The following MALRD1 variants were observed in gnomAD, a reference collection of about 807,000 sequenced individuals.
The protein encoded by MALRD1 is MAM and LDL receptor class A domain containing 1.
MALRD1 carries 247 observed loss-of-function variants against 242.1 expected under a neutral mutation model. The ratio of observed to expected loss-of-function variants is 1.02; its 90% confidence interval spans 0.92 to 1.13. MALRD1 has a LOEUF of 1.13. Among genes scored for constraint, MALRD1 ranks in the 50% most tolerant of loss-of-function variants. The pLI, the probability that MALRD1 is intolerant of heterozygous loss-of-function variation, is 0.00. For synonymous variants in MALRD1, 995 were observed against 866.6 expected (o/e 1.15, Z -2.60); for missense variants, 2,989 against 2,533.1 (o/e 1.18, Z -3.86).
intron 36 of MALRD1, among the ~76,000 whole-genome samples, chr10:19,682,075 C>A (rs954238980): frequency 2.6e-5 from 4 of 152,040 alleles, no homozygotes; most frequent in African/African-American, 9.7e-5. Context: ...CTTATTAGAA[C>A]AATTATAAAT....
At position 19,352,209 on chromosome 10, in the gene MALRD1, C is replaced by T. The variant is rs1164037263; in HGVS notation, c.4353C>T (p.Asp1451=). The T allele has an allele frequency of 6.4e-7, 1 of 1,550,406 alleles. No individual in the cohort carries two copies. ...EGRVGKGQRG[D]IALDDIVLTE... ...GAGTTGGGAAAGGTCAGCGTGGAGA[C>T]ATTGCACTTGATGACATTGTGCTTA... Residue 1451 remains aspartate, a synonymous_variant, in exon 26 of 40, where the codon GAC becomes GAT. Transcript: ENST00000454679.
chr10:19,708,336 TTTTC>T lies in MALRD1; in HGVS notation c.6314+15786_6314+15789del, dbSNP rs1285547481. ...TTTTTAACCTTCTTTTTCTTTTTCT[TTTTC>T]TTTTTTTTTTTTTTTGAGACAGGGT... On this transcript the variant is annotated intron_variant, in intron 38 of 39. Coordinates refer to ENST00000454679, the MANE Select transcript of MALRD1 (RefSeq NM_001142308.3). Among the ~76,000 whole-genome samples, 25 of 93,244 alleles carry T rather than the reference TTTTC, an allele frequency of 2.7e-4. 4 individuals carry two copies. Among genetic ancestry groups the T allele is most frequent in the Non-Finnish European group, 4.8e-4 (21 of 43,358 alleles). 61.2% of individuals were successfully genotyped at this position (93,244 alleles called of 152,430 possible). A position where few individuals can be genotyped will look rare whatever the true frequency, so the allele number is the denominator to read the frequency against.
At position 19,665,884 on chromosome 10, in the gene MALRD1, ATT is replaced by A. The variant is rs35301063; in HGVS notation, c.6138-26384_6138-26383del. On this transcript the variant is annotated intron_variant, in intron 36 of 39. Coordinates refer to ENST00000454679, the MANE Select transcript of MALRD1 (RefSeq NM_001142308.3). ...TGTAGCCTTGAGATCTTTTCTAATG[ATT>A]TTTTTTTTTTTTTAATTCCTTGCCG... Among the ~76,000 whole-genome samples, 1,098 of 146,060 alleles carry A rather than the reference ATT, an allele frequency of 7.5e-3. 5 individuals carry two copies. Among genetic ancestry groups the A allele is most frequent in the Non-Finnish European group, 7.8e-3 (520 of 66,536 alleles).
intron 28 of MALRD1, among the ~76,000 whole-genome samples, chr10:19,405,946 G>A (rs1383747003): frequency 6.6e-6 from 1 of 151,944 alleles, no homozygotes; most frequent in African/African-American, 2.4e-5. Context: ...GCCACAGAAT[G>A]TCACAGTGGG....
At chr10:19,312,058 G>T (rs985688179) in intron 21 of MALRD1, among the ~76,000 whole-genome samples, 1 of 151,318 alleles carries the variant, frequency 6.6e-6, no homozygotes, top group African/African-American at 2.4e-5. Context: ...GATGAGCAAA[G>T]CTGTAGGGCA....
chr10:19,209,635 A>G lies in MALRD1; in HGVS notation c.2946A>G (p.Arg982=). The change falls in exon 18 of 40, where the codon AGA becomes AGG. Residue 982 remains arginine, a synonymous_variant. Coordinates refer to ENST00000454679, the MANE Select transcript of MALRD1 (RefSeq NM_001142308.3). Reference sequence around the variant, plus strand: ...AGATATTTGGGAATCAAGGCAACAGATGGATTAGGAAACACCTCAACATTT... The same window carrying G: ...AGATATTTGGGAATCAAGGCAACAGGTGGATTAGGAAACACCTCAACATTT... ...LWQIFGNQGN[R]WIRKHLNISS... is the part of the protein sequence containing the mutation. 1 of 1,551,044 alleles carries G rather than the reference A, an allele frequency of 6.4e-7. No homozygotes were observed. Among genetic ancestry groups the G allele is most frequent in the Non-Finnish European group, 8.7e-7 (1 of 1,147,080 alleles).
intron 5 of MALRD1, among the ~76,000 whole-genome samples, chr10:19,117,270 A>T (rs1202202183): frequency 6.6e-6 from 1 of 152,166 alleles, no homozygotes; most frequent in Non-Finnish European, 1.5e-5. Flanking sequence ...ACCAGGCCAA[A>T]ATACTTACTC....
At chr10:19,694,236 T>G (rs1018146793) in intron 38 of MALRD1, among the ~76,000 whole-genome samples, 1 of 152,200 alleles carries the variant, frequency 6.6e-6, no homozygotes, top group African/African-American at 2.4e-5. Context: ...GGGATCTAAT[T>G]AAACTAAAGA....
At chr10:19,170,853 A>G (rs975901891) in intron 13 of MALRD1, among the ~76,000 whole-genome samples, 4 of 152,172 alleles carry the variant, frequency 2.6e-5, no homozygotes, top group African/African-American at 9.7e-5. Context: ...TCACAGGATT[A>G]AAACAAGTGA....
At chr10:19,168,917 T>A (rs995849457) in intron 13 of MALRD1, among the ~76,000 whole-genome samples, 3 of 152,032 alleles carry the variant, frequency 2.0e-5, no homozygotes, top group African/African-American at 7.3e-5. Flanking sequence ...TGCCTATGAG[T>A]TGGCTACAGC....
chr10:19,597,687 A>G (rs1285398930), intron 34 of MALRD1, among the ~76,000 whole-genome samples: 2 of 152,170 alleles, frequency 1.3e-5, no homozygotes, highest in African/African-American at 2.4e-5. Context: ...CAGGCTGAAG[A>G]TGTGCTATAC....
intron 36 of MALRD1, among the ~76,000 whole-genome samples, chr10:19,669,757 T>C (rs1336576195): frequency 6.6e-6 from 1 of 152,196 alleles, no homozygotes; most frequent in Non-Finnish European, 1.5e-5. Flanking sequence ...ATACTATTTA[T>C]GTAGTAATAA....
chr10:19,662,199 T>C (rs751895051), intron 36 of MALRD1, among the ~76,000 whole-genome samples: 2 of 152,150 alleles, frequency 1.3e-5, no homozygotes, highest in Non-Finnish European at 2.9e-5. Context: ...TACTGTTCAA[T>C]ACTAACACTA....
intron 13 of MALRD1, 37 bp from the exon 14 acceptor site, chr10:19,175,171 A>G: frequency 8.3e-7 from 1 of 1,210,596 alleles, no homozygotes. Flanking sequence ...TACTTTTGTG[A>G]TGTGTTTTTA....
rs185594421 is a variant in MALRD1, at chr10:19,620,803, T to C, written c.6137+4880T>C. On this transcript the variant is annotated intron_variant, in intron 36 of 39. Transcript: ENST00000454679. ...AGTCCTGAAATTTCAAAGAAAAGCA[T>C]CAATACATTGAAATATATTCTTGAA... 2.1e-3 allele frequency among the ~76,000 whole-genome samples: 316 copies of C among 152,048 alleles called. 2 individuals are homozygous for C. The highest frequency in any genetic ancestry group is 6.3e-3 in the African/African-American group (260 of 41,520).
intron 36 of MALRD1, among the ~76,000 whole-genome samples, chr10:19,679,293 T>A (rs1454159729): frequency 6.6e-6 from 1 of 152,162 alleles, no homozygotes; most frequent in Admixed American, 6.6e-5. Flanking sequence ...GGTCGTGGGC[T>A]TTTATTTGTT....
At chr10:19,406,551 C>G (rs1847121445) in intron 28 of MALRD1, among the ~76,000 whole-genome samples, 2 of 152,074 alleles carry the variant, frequency 1.3e-5, no homozygotes, top group Admixed American at 1.3e-4. Context: ...CTCCGGTAAC[C>G]TGGCTAAGGG....
At chr10:19,463,392 CATCCTCT>C (rs1836044298) in intron 29 of MALRD1, among the ~76,000 whole-genome samples, 1 of 151,684 alleles carries the variant, frequency 6.6e-6, no homozygotes, top group African/African-American at 2.4e-5. Context: ...GCATCCTCTG[CATCCTCT>C]GCATCCTCAT....
Position 19,707,786 on chromosome 10 carries a change from TAAAA to T in MALRD1, c.6314+15251_6314+15254del, listed in dbSNP as rs35967457. Among the ~76,000 whole-genome samples, 8 of 60,862 alleles carry T rather than the reference TAAAA, an allele frequency of 1.3e-4. 1 individual carries two copies. In the East Asian group the frequency reaches 2.4e-3, roughly 18 times the overall value. The allele number at this position is 60,862 out of a possible 152,430, so 39.9% of individuals were successfully genotyped here. On this transcript the variant is annotated intron_variant, in intron 38 of 39. Coordinates refer to ENST00000454679, the MANE Select transcript of MALRD1 (RefSeq NM_001142308.3). ...TAACATGGTGAAACCCCATCTGTAC[TAAAA>T]AAAAAAAAAAAAAAAAAATACAAAA...
Sources: allele counts gnomAD v4.1 joint callset (sites outside exome capture counted in the v4.1 genomes callset), GRCh38; gene constraint gnomAD v4.1.1; transcripts MANE v1.5; gene names NCBI Gene and HGNC (gene_info 2026-07-23, HGNC 2026-07-21).